The following BCLAF1 variants were observed in gnomAD, a reference collection of about 807,000 sequenced individuals.
BCLAF1 encodes bcl-2-associated transcription factor 1.
In BCLAF1, 10 loss-of-function variants were observed where a neutral mutation model predicts 99.5. The ratio of observed to expected loss-of-function variants is 0.10; its 90% CI spans 0.06 to 0.17. The LOEUF (loss-of-function observed/expected upper bound fraction) is 0.17, where lower values mean the gene tolerates loss of function less well. BCLAF1 is among the 10% of genes least tolerant of loss of function. BCLAF1 has a pLI of 1.00. For synonymous variants in BCLAF1, 255 were observed against 370.9 expected, an observed-to-expected ratio of 0.69 and a Z score of 3.59; for missense variants, 636 against 1,105.8, an observed-to-expected ratio of 0.58 and a Z score of 6.02.
rs1277762959 is a variant in BCLAF1 at position 136,282,587 on chromosome 6, G to A, written c.-14C>T. The stretch of plus-strand genomic sequence containing the variant: ...AGAAAAATGAATGCTCTTTTACCTT[G>A]GTTTTATGCAGGATCAAGAAGTCAA... On this transcript the variant is annotated 5_prime_UTR_variant, in exon 2 of 13. Coordinates refer to ENST00000531224, the MANE Select transcript of BCLAF1 (RefSeq NM_014739.3). 1 of 152,012 alleles carries A rather than the reference G, an allele frequency of 6.6e-6. No individual in the cohort carries two copies. The highest frequency in any genetic ancestry group is 2.4e-5 in the African/African-American group (1 of 41,372). 9.4% of individuals were successfully genotyped at this position (152,012 alleles called of 1,614,324 possible). A position where few individuals can be genotyped will look rare whatever the true frequency, so the allele number is the denominator to read the frequency against.
Position 136,256,680 on chromosome 6 carries a change from T to TAAAC in BCLAF1, c.*4429_*4430insGTTT. 6.5e-6 allele frequency: 1 copy of TAAAC among 152,710 alleles called. No individual in the cohort carries two copies. The highest frequency in any genetic ancestry group is 1.3e-5 in the Non-Finnish European group (1 of 76,686). The allele number at this position is 152,710 out of a possible 1,614,324, so 9.5% of individuals were successfully genotyped here. The stretch of plus-strand genomic sequence containing the variant: ...GTAAGACTCCATCTCAATAAATAAA[T>TAAAC]AAATAAATAAATAAATAAATAAATA... On this transcript the variant is annotated 3_prime_UTR_variant, in exon 13 of 13. Transcript: ENST00000531224.
intron 10 of BCLAF1, 47 bp from the exon 11 acceptor site, chr6:136,267,222 T>TA: frequency 6.4e-7 from 1 of 1,574,722 alleles, no homozygotes; most frequent in Non-Finnish European, 8.7e-7. Flanking sequence ...CAAAAGGTAT[T>TA]TAGTTACATG....
At position 136,276,283 on chromosome 6, in the gene BCLAF1, T is replaced by C. The variant is rs370188975; in HGVS notation, c.1242A>G (p.Ser414=). Residue 414 remains serine, a synonymous_variant, in exon 5 of 13, where the codon TCA becomes TCG. Transcript: ENST00000531224. ...ETEDYRQFRK[S]VLADQGKSFA... ...AACTTTTACCCTGATCTGCGAGGAC[T>C]GACTTCCTGAACTGTCTATAATCCT... 3 of 1,591,422 alleles carry C rather than the reference T, an allele frequency of 1.9e-6. No individual in the cohort carries two copies. The highest frequency in any genetic ancestry group is 2.7e-5 in the African/African-American group (2 of 73,644).
Position 136,257,407 on chromosome 6 carries a change from C to G in BCLAF1, c.*3703G>C, listed in dbSNP as rs111771236. 1.1e-4 allele frequency: 16 copies of G among 152,176 alleles called. No individual in the cohort carries two copies. The highest frequency in any genetic ancestry group is 3.4e-4 in the African/African-American group (14 of 41,536). The allele number at this position is 152,176 out of a possible 1,614,324, so 9.4% of individuals were successfully genotyped here. On this transcript the variant is annotated 3_prime_UTR_variant, in exon 13 of 13. Transcript: ENST00000531224. ...AAATGTACAAGTTTGGTCTCATTAC[C>G]ATCATTGACACAAGTTAATCATTAC... is the stretch of plus-strand genomic sequence containing the variant.
chr6:136,274,785 A>G (rs936325650), intron 6 of BCLAF1, among the ~76,000 whole-genome samples: 19 of 152,064 alleles, frequency 1.2e-4, no homozygotes, highest in African/African-American at 3.9e-4. Context: ...CCCAAAAGAC[A>G]TACTTGAAAA....
At position 136,268,292 on chromosome 6, in the gene BCLAF1, G is replaced by A. The variant is rs762955295; in HGVS notation, c.2267C>T (p.Ala756Val). ...QDHSRSSSSS[A>V]SPSSPSSREE... Reference sequence around the variant, plus strand: ...TCGAGAACTGGGAGAAGAAGGTGATGCTGAAGAGGATGAAGATCGAGAATG... The same window carrying A: ...TCGAGAACTGGGAGAAGAAGGTGATACTGAAGAGGATGAAGATCGAGAATG... The change falls in exon 10 of 13, where the codon GCA becomes GTA. Residue 756 changes from alanine to valine, a missense_variant. Ala to Val is a moderately conservative substitution (Grantham distance 64). Transcript: ENST00000531224. 6.2e-7 allele frequency: 1 copy of A among 1,607,592 alleles called. No homozygotes were observed. The highest frequency in any genetic ancestry group is 2.2e-5 in the East Asian group (1 of 44,756).
At chr6:136,279,589 T>C in intron 3 of BCLAF1, 174 bp downstream of exon 3, 4 of 630,540 alleles carry the variant, frequency 6.3e-6, no homozygotes, top group Non-Finnish European at 8.8e-6. Flanking sequence ...TTACTAGAGC[T>C]TGTTACCTGG....
Position 136,256,824 on chromosome 6 carries a change from T to C in BCLAF1, c.*4286A>G, listed in dbSNP as rs1047342932. On this transcript the variant is annotated 3_prime_UTR_variant, in exon 13 of 13. Coordinates refer to ENST00000531224, the MANE Select transcript of BCLAF1 (RefSeq NM_014739.3). ...AATGAGACTGAAAAATTATTTTCCA[T>C]AGTGAAGGACTCAAGGTAGCAAATA... 1 of 152,244 alleles carries C rather than the reference T, an allele frequency of 6.6e-6. No individual in the cohort carries two copies. Among genetic ancestry groups the C allele is most frequent in the African/African-American group, 2.4e-5 (1 of 41,456 alleles). 9.4% of individuals were successfully genotyped at this position (152,244 alleles called of 1,614,324 possible).
chr6:136,267,206 T>C (rs771863884), intron 10 of BCLAF1, 31 bp from the exon 11 acceptor site: 20 of 1,606,174 alleles, frequency 1.2e-5, no homozygotes, highest in African/African-American at 2.7e-5. Context: ...TGTTTAGTGA[T>C]GCAATCAAAA....
At chr6:136,279,196 A>T (rs1358021104) in intron 3 of BCLAF1, among the ~76,000 whole-genome samples, 1 of 152,172 alleles carries the variant, frequency 6.6e-6, no homozygotes, top group Non-Finnish European at 1.5e-5. Context: ...TTAATTAAAT[A>T]CATACATAAT....
At position 136,260,914 on chromosome 6, in the gene BCLAF1, C is replaced by T; in HGVS notation, c.*196G>A. The T allele has an allele frequency of 3.6e-6, 2 of 562,456 alleles. No individual in the cohort carries two copies. The highest frequency in any genetic ancestry group is 6.0e-6 in the Non-Finnish European group (2 of 331,362). The allele number at this position is 562,456 out of a possible 1,614,324, so 34.8% of individuals were successfully genotyped here. A position where few individuals can be genotyped will look rare whatever the true frequency, so the allele number is the denominator to read the frequency against. On this transcript the variant is annotated 3_prime_UTR_variant, in exon 13 of 13. Coordinates refer to ENST00000531224, the MANE Select transcript of BCLAF1 (RefSeq NM_014739.3). Reference sequence around the variant, plus strand: ...AAATATGGTACGTAACAATTTTCTACTTTATTTCAGTACAATTTTCAACAT... The same window carrying T: ...AAATATGGTACGTAACAATTTTCTATTTTATTTCAGTACAATTTTCAACAT...
At chr6:136,266,624 G>A (rs1016665222) in intron 11 of BCLAF1, among the ~76,000 whole-genome samples, 5 of 151,936 alleles carry the variant, frequency 3.3e-5, no homozygotes, top group Admixed American at 6.6e-5. Context: ...TTAATTACAC[G>A]TACTTTGAAA....
At chr6:136,272,236 G>GA (rs1245583251) in intron 7 of BCLAF1, among the ~76,000 whole-genome samples, 157 bp from the exon 8 acceptor site, 1 of 151,610 alleles carries the variant, frequency 6.6e-6, no homozygotes, top group East Asian at 1.9e-4. Flanking sequence ...ACACAATTAA[G>GA]AAAAAATACC....
intron 6 of BCLAF1, 33 bp from the exon 7 acceptor site, chr6:136,273,220 T>G: frequency 1.3e-6 from 2 of 1,565,606 alleles, no homozygotes; most frequent in Non-Finnish European, 1.8e-6. Flanking sequence ...GTCCGATTAG[T>G]TAACTTTACT....
intron 2 of BCLAF1, among the ~76,000 whole-genome samples, chr6:136,281,601 G>A (rs2128488126): frequency 6.6e-6 from 1 of 152,286 alleles, no homozygotes; most frequent in South Asian, 2.1e-4. Context: ...AGAAACCAGA[G>A]CTGCAAATGA....
chr6:136,259,829 T>C lies in BCLAF1; in HGVS notation c.*1281A>G, dbSNP rs1448040879. The C allele has an allele frequency of 6.6e-6, 1 of 152,078 alleles. No individual in the cohort carries two copies. The highest frequency in any genetic ancestry group is 1.5e-5 in the Non-Finnish European group (1 of 67,918). The allele number at this position is 152,078 out of a possible 1,614,324, so 9.4% of individuals were successfully genotyped here. Reference sequence around the variant, plus strand: ...AAATTAACAAATGAAATGTGTCTACTTTTATATATGCCCATAAAGCAGACA... The same window carrying C: ...AAATTAACAAATGAAATGTGTCTACCTTTATATATGCCCATAAAGCAGACA... On this transcript the variant is annotated 3_prime_UTR_variant, in exon 13 of 13. Coordinates refer to ENST00000531224, the MANE Select transcript of BCLAF1 (RefSeq NM_014739.3).
Position 136,257,806 on chromosome 6 carries a change from AAGTC to A in BCLAF1, c.*3300_*3303del, listed in dbSNP as rs1316179841. 2 of 152,088 alleles carry A rather than the reference AAGTC, an allele frequency of 1.3e-5. No homozygotes were observed. The highest frequency in any genetic ancestry group is 2.9e-5 in the Non-Finnish European group (2 of 67,950). 9.4% of individuals were successfully genotyped at this position (152,088 alleles called of 1,614,324 possible). A position where few individuals can be genotyped will look rare whatever the true frequency, so the allele number is the denominator to read the frequency against. ...TCTGAACTTCTCTTTCTGGATGTGA[AAGTC>A]TATTATTCCACAAGGAAACTTAAGG... On this transcript the variant is annotated 3_prime_UTR_variant, in exon 13 of 13. Coordinates refer to ENST00000531224, the MANE Select transcript of BCLAF1 (RefSeq NM_014739.3).
At chr6:136,287,109 C>T (rs1785242553) in intron 1 of BCLAF1, among the ~76,000 whole-genome samples, 1 of 151,460 alleles carries the variant, frequency 6.6e-6, no homozygotes, top group African/African-American at 2.4e-5. Context: ...CACTGCACAC[C>T]AGCCTTGGCG....
At chr6:136,288,278 G>C (rs990649266) in intron 1 of BCLAF1, among the ~76,000 whole-genome samples, 4 of 152,154 alleles carry the variant, frequency 2.6e-5, no homozygotes, top group African/African-American at 9.7e-5. Flanking sequence ...AAGTGACAAG[G>C]TCTCGCTCTG....
Sources: allele counts gnomAD v4.1 joint callset (sites outside exome capture counted in the v4.1 genomes callset), GRCh38; gene constraint gnomAD v4.1.1; transcripts MANE v1.5; gene names NCBI Gene and HGNC (gene_info 2026-07-23, HGNC 2026-07-21).